The following SLC25A21 variants were observed in gnomAD, a reference collection of about 807,000 sequenced individuals.
SLC25A21 encodes solute carrier family 25 member 21.
SLC25A21 carries 47 observed loss-of-function variants against 43.8 expected under a neutral mutation model. That is an observed-to-expected ratio of 1.07 (90% CI 0.85 to 1.37). The LOEUF (loss-of-function observed/expected upper bound fraction) is 1.37. Ranked by LOEUF, SLC25A21 falls within the 40% of genes most tolerant of loss-of-function variation. The pLI, the probability that SLC25A21 is intolerant of heterozygous loss-of-function variation, is 0.00. For synonymous variants in SLC25A21, 131 were observed against 121.3 expected (o/e 1.08, Z -0.52); for missense variants, 352 against 350.2 (o/e 1.00, Z -0.04).
intron 1 of SLC25A21, among the ~76,000 whole-genome samples, chr14:36,900,612 A>G (rs975903733): frequency 1.3e-5 from 2 of 152,188 alleles, no homozygotes; most frequent in Non-Finnish European, 2.9e-5. Flanking sequence ...TCTAATTTAT[A>G]GTTTGGTTAT....
Position 36,678,685 on chromosome 14 carries a change from C to CAAAT in SLC25A21, c.*1969_*1972dup. 1 of 1,249,320 alleles carries CAAAT rather than the reference C, an allele frequency of 8.0e-7. No individual in the cohort carries two copies. The highest frequency in any genetic ancestry group is 3.8e-5 in the Admixed American group (1 of 26,174). The allele number at this position is 1,249,320 out of a possible 1,614,324, so 77.4% of individuals were successfully genotyped here. A position where few individuals can be genotyped will look rare whatever the true frequency, so the allele number is the denominator to read the frequency against. ...AATATTACTTGCTTGTGTGGAAATGCAAATAATGTTATTTTCTTTATCTAA... is the reference window on the plus strand; with the variant it reads ...AATATTACTTGCTTGTGTGGAAATGCAAATAAATAATGTTATTTTCTTTATCTAA... On this transcript the variant is annotated 3_prime_UTR_variant, in exon 10 of 10. Coordinates refer to ENST00000331299, the MANE Select transcript of SLC25A21 (RefSeq NM_030631.4).
intron 1 of SLC25A21, among the ~76,000 whole-genome samples, chr14:37,016,257 A>G (rs1038632994): frequency 1.3e-5 from 2 of 152,198 alleles, no homozygotes; most frequent in African/African-American, 4.8e-5. Flanking sequence ...AGCTTTCTAC[A>G]TATGGCTAGC....
chr14:36,832,949 T>C (rs886511595), intron 2 of SLC25A21, among the ~76,000 whole-genome samples: 1 of 152,200 alleles, frequency 6.6e-6, no homozygotes, highest in South Asian at 2.1e-4. Flanking sequence ...TTTATCAGCA[T>C]TTAAATAATT....
intron 1 of SLC25A21, among the ~76,000 whole-genome samples, chr14:37,093,663 C>G (rs1011716984): frequency 3.3e-5 from 5 of 152,014 alleles, no homozygotes; most frequent in African/African-American, 1.2e-4. Flanking sequence ...AATATCCACA[C>G]CTACTTTTGG....
intron 1 of SLC25A21, among the ~76,000 whole-genome samples, chr14:36,950,986 C>A (rs1171126317): frequency 2.0e-5 from 3 of 152,136 alleles, no homozygotes; most frequent in African/African-American, 2.4e-5. Flanking sequence ...GGCTCTACAC[C>A]CTCCATTTCC....
chr14:36,875,563 T>C (rs1462543190), intron 1 of SLC25A21, among the ~76,000 whole-genome samples: 3 of 152,232 alleles, frequency 2.0e-5, no homozygotes, highest in Non-Finnish European at 4.4e-5. Flanking sequence ...CACTGTGTGC[T>C]AGGCATTGTT....
At chr14:36,694,785 T>A (rs1406086029) in intron 7 of SLC25A21, among the ~76,000 whole-genome samples, 1 of 152,210 alleles carries the variant, frequency 6.6e-6, no homozygotes, top group East Asian at 1.9e-4. Context: ...TTTGTTTGAG[T>A]TCTTTGTAGA....
intron 2 of SLC25A21, among the ~76,000 whole-genome samples, chr14:36,816,388 G>A (rs374023047): frequency 6.0e-4 from 92 of 152,188 alleles, no homozygotes; most frequent in Middle Eastern, 3.4e-3. Flanking sequence ...AGAAATAATG[G>A]TGCTAGAATA....
chr14:36,804,799 T>C (rs1887981045), intron 3 of SLC25A21, among the ~76,000 whole-genome samples: 1 of 152,220 alleles, frequency 6.6e-6, no homozygotes, highest in Admixed American at 6.5e-5. Context: ...TAATCAGGTA[T>C]GGGTAGAAGA....
At chr14:36,699,601 C>T (rs1307770955) in intron 7 of SLC25A21, among the ~76,000 whole-genome samples, 1 of 152,180 alleles carries the variant, frequency 6.6e-6, no homozygotes, top group Non-Finnish European at 1.5e-5. Context: ...TGGTGGGCTC[C>T]ACCCAGTTCA....
At chr14:36,779,595 T>G (rs1447937198) in intron 3 of SLC25A21, among the ~76,000 whole-genome samples, 1 of 109,064 alleles carries the variant, frequency 9.2e-6, no homozygotes, top group East Asian at 2.7e-4. Flanking sequence ...AAGAAAGGAA[T>G]GTATATGTGT....
At chr14:36,886,493 G>A (rs917507152) in intron 1 of SLC25A21, among the ~76,000 whole-genome samples, 3 of 152,188 alleles carry the variant, frequency 2.0e-5, no homozygotes, top group Admixed American at 6.5e-5. Context: ...AGGGAATGCA[G>A]TTTTCCTCAC....
At chr14:36,743,628 A>G (rs1017050642) in intron 3 of SLC25A21, among the ~76,000 whole-genome samples, 4 of 152,100 alleles carry the variant, frequency 2.6e-5, no homozygotes, top group African/African-American at 4.8e-5. Flanking sequence ...AAGACAAGGA[A>G]CAAGACAAGG....
At chr14:36,917,017 C>T (rs1891849738) in intron 1 of SLC25A21, among the ~76,000 whole-genome samples, 1 of 152,106 alleles carries the variant, frequency 6.6e-6, no homozygotes, top group African/African-American at 2.4e-5. Flanking sequence ...TTGGGTTTCT[C>T]TCAAACTCTT....
chr14:36,959,501 C>T (rs527777219), intron 1 of SLC25A21, among the ~76,000 whole-genome samples: 10 of 152,212 alleles, frequency 6.6e-5, no homozygotes, highest in South Asian at 4.2e-4. Flanking sequence ...TCCTTGCCCA[C>T]ATTTTCCAGG....
intron 1 of SLC25A21, among the ~76,000 whole-genome samples, chr14:37,065,514 T>C (rs1193580010): frequency 1.3e-5 from 2 of 152,160 alleles, no homozygotes; most frequent in African/African-American, 4.8e-5. Context: ...CAAATTGAAG[T>C]GCTTCTCTAT....
intron 1 of SLC25A21, among the ~76,000 whole-genome samples, chr14:36,937,382 T>C (rs945484824): frequency 6.6e-6 from 1 of 152,208 alleles, no homozygotes; most frequent in Non-Finnish European, 1.5e-5. Context: ...AAAATAAACA[T>C]GCTTACGCTT....
At chr14:36,906,580 A>C (rs1566728710) in intron 1 of SLC25A21, among the ~76,000 whole-genome samples, 1 of 151,102 alleles carries the variant, frequency 6.6e-6, no homozygotes, top group Non-Finnish European at 1.5e-5. Flanking sequence ...ATCTCGGCTC[A>C]CTACAACCTC....
chr14:36,817,231 T>G (rs544405731), intron 2 of SLC25A21, among the ~76,000 whole-genome samples: 1 of 151,938 alleles, frequency 6.6e-6, no homozygotes, highest in African/African-American at 2.4e-5. Context: ...AAAACCTATA[T>G]AAGAGGAAAT....
Sources: allele counts gnomAD v4.1 joint callset (sites outside exome capture counted in the v4.1 genomes callset), GRCh38; gene constraint gnomAD v4.1.1; transcripts MANE v1.5; gene names NCBI Gene and HGNC (gene_info 2026-07-23, HGNC 2026-07-21).